PALM2AKAP2: variants seen among roughly 807,000 people sequenced by gnomAD.
The protein encoded by PALM2AKAP2 is PALM2 and AKAP2 fusion.
In PALM2AKAP2, 37 loss-of-function variants were observed where a neutral mutation model predicts 71.5. The ratio of observed to expected loss-of-function variants is 0.52; its 90% CI spans 0.40 to 0.68. PALM2AKAP2 has a LOEUF of 0.68. Among genes scored for constraint, PALM2AKAP2 ranks in the 30% least tolerant of loss-of-function variants. PALM2AKAP2 has a pLI of 0.00. For synonymous variants in PALM2AKAP2, 468 were observed against 478.8 expected (o/e 0.98, Z 0.29); for missense variants, 1,224 against 1,191.8 (o/e 1.03, Z -0.40).
intron 6 of PALM2AKAP2, among the ~76,000 whole-genome samples, chr9:109,977,055 T>C (rs1832184988): frequency 6.6e-6 from 1 of 152,054 alleles, no homozygotes; most frequent in African/African-American, 2.4e-5. Flanking sequence ...CAAGCAGATT[T>C]CTAGGCCACC....
At chr9:109,885,675 T>C (rs1829948624) in intron 3 of PALM2AKAP2, among the ~76,000 whole-genome samples, 1 of 152,218 alleles carries the variant, frequency 6.6e-6, no homozygotes, top group Non-Finnish European at 1.5e-5. Flanking sequence ...CTTCCTACTT[T>C]GACCCAAGGA....
intron 6 of PALM2AKAP2, among the ~76,000 whole-genome samples, chr9:109,947,404 A>G (rs1377718662): frequency 6.6e-6 from 1 of 152,228 alleles, no homozygotes; most frequent in African/African-American, 2.4e-5. Flanking sequence ...AAGTGTAAAA[A>G]CAGACTATTT....
At chr9:109,991,753 A>T (rs1283584865) in intron 6 of PALM2AKAP2, among the ~76,000 whole-genome samples, 1 of 152,218 alleles carries the variant, frequency 6.6e-6, no homozygotes, top group Non-Finnish European at 1.5e-5. Flanking sequence ...GGCTGCAGAC[A>T]TCAGGCTTTA....
chr9:110,165,581 G>A (rs1423677622), intron 3 of PALM2AKAP2, among the ~76,000 whole-genome samples: 1 of 152,092 alleles, frequency 6.6e-6, no homozygotes, highest in Non-Finnish European at 1.5e-5. Context: ...GTATGACCAT[G>A]GTAAATGGGC....
intron 1 of PALM2AKAP2, among the ~76,000 whole-genome samples, chr9:110,117,441 A>G (rs560853033): frequency 2.6e-5 from 4 of 152,286 alleles, no homozygotes; most frequent in African/African-American, 7.2e-5. Context: ...CCACATCTCT[A>G]TGAAATAAAA....
At chr9:109,992,418 T>G (rs1039220608) in intron 6 of PALM2AKAP2, among the ~76,000 whole-genome samples, 1 of 152,228 alleles carries the variant, frequency 6.6e-6, no homozygotes, top group Non-Finnish European at 1.5e-5. Flanking sequence ...CTTTTTAATT[T>G]TATTTACTTT....
At chr9:109,660,048 G>C (rs961466384) in intron 1 of PALM2AKAP2, among the ~76,000 whole-genome samples, 1 of 152,014 alleles carries the variant, frequency 6.6e-6, no homozygotes, top group Non-Finnish European at 1.5e-5. Flanking sequence ...TGCCCAGGCT[G>C]GTCTCAAACT....
chr9:109,760,559 A>G (rs1438500326), intron 1 of PALM2AKAP2: 1 of 152,208 alleles, frequency 6.6e-6, no homozygotes, highest in Non-Finnish European at 1.5e-5. Context: ...TCAGCATTGA[A>G]TAAACTCTGA....
intron 1 of PALM2AKAP2, among the ~76,000 whole-genome samples, chr9:109,827,503 G>A (rs1388844219): frequency 6.6e-6 from 1 of 152,116 alleles, no homozygotes; most frequent in Non-Finnish European, 1.5e-5. Context: ...CAGCTACTCA[G>A]GAGGCTGAGG....
At chr9:109,739,422 A>T (rs1046998256) in intron 1 of PALM2AKAP2, among the ~76,000 whole-genome samples, 1 of 152,236 alleles carries the variant, frequency 6.6e-6, no homozygotes, top group Non-Finnish European at 1.5e-5. Context: ...GTCATGACTG[A>T]AGGCTTTACT....
intron 3 of PALM2AKAP2, among the ~76,000 whole-genome samples, chr9:109,891,284 C>T (rs1830082180): frequency 6.6e-6 from 1 of 152,212 alleles, no homozygotes; most frequent in South Asian, 2.1e-4. Context: ...GTTCCCTTGG[C>T]TAGCATCTTG....
chr9:109,838,110 T>C (rs1011190378), intron 1 of PALM2AKAP2, among the ~76,000 whole-genome samples: 1 of 152,178 alleles, frequency 6.6e-6, no homozygotes, highest in African/African-American at 2.4e-5. Flanking sequence ...ATTTCAAACT[T>C]GACCACTTGG....
At chr9:110,144,514 C>T (rs1046526212) in intron 2 of PALM2AKAP2, among the ~76,000 whole-genome samples, 1 of 152,206 alleles carries the variant, frequency 6.6e-6, no homozygotes, top group Non-Finnish European at 1.5e-5. Context: ...ATACAAATTA[C>T]CTCAACTCTT....
At chr9:109,843,622 G>T (rs1359882) in intron 1 of PALM2AKAP2, among the ~76,000 whole-genome samples, 3 of 151,980 alleles carry the variant, frequency 2.0e-5, no homozygotes, top group African/African-American at 7.3e-5. Flanking sequence ...GCAGGGGCTG[G>T]CCCATGAGAC....
intron 1 of PALM2AKAP2, among the ~76,000 whole-genome samples, chr9:109,691,907 CACACAT>C (rs1392336080): frequency 0.033 from 2,333 of 69,738 alleles, 69 homozygotes; most frequent in East Asian, 0.052. Flanking sequence ...TATATACACA[CACACAT>C]ATATATATAT....
chr9:109,878,828 C>T (rs1018272602), intron 2 of PALM2AKAP2, among the ~76,000 whole-genome samples: 1 of 152,168 alleles, frequency 6.6e-6, no homozygotes, highest in African/African-American at 2.4e-5. Context: ...ACCTCTGCCC[C>T]CCAGGTTCTA....
chr9:109,736,941 A>C lies in PALM2AKAP2; in HGVS notation c.6-43547A>C, dbSNP rs566098715. On this transcript the variant is annotated intron_variant, in intron 1 of 6. Coordinates refer to the PALM2AKAP2 transcript ENST00000374531. ...GATAGCCTTAAGGAACTGAATCACT[A>C]CCACTGTCGCCGTCTCTTTTGTATA... Among the ~76,000 whole-genome samples the C allele has an allele frequency of 2.0e-5, 3 of 152,358 alleles. No homozygotes were observed. In the East Asian group the frequency reaches 5.8e-4, roughly 29 times the overall value.
At position 109,767,772 on chromosome 9, in the gene PALM2AKAP2, C is replaced by G. The variant is rs76380823; in HGVS notation, c.6-12716C>G. Among the ~76,000 whole-genome samples the G allele has an allele frequency of 3.1e-4, 47 of 152,292 alleles. 1 individual carries two copies. In the East Asian group the frequency reaches 8.3e-3, roughly 27 times the overall value. ...CCCTTAGTGTTGGCTTGCTTCAGAG[C>G]ATTCCTAAGTTACAGTGTGCACTTC... is the stretch of plus-strand genomic sequence containing the variant. On this transcript the variant is annotated intron_variant, in intron 1 of 6. Coordinates refer to the PALM2AKAP2 transcript ENST00000374531.
intron 1 of PALM2AKAP2, among the ~76,000 whole-genome samples, chr9:109,656,334 G>A (rs1454218117): frequency 6.6e-6 from 1 of 152,158 alleles, no homozygotes; most frequent in African/African-American, 2.4e-5. Context: ...TTAGGTCCAG[G>A]TGTCACAAGG....
Sources: gnomAD v4.1 joint callset for allele counts (sites outside exome capture counted in the v4.1 genomes callset) on GRCh38, gnomAD v4.1.1 for gene constraint, MANE v1.5 for transcripts, NCBI Gene and HGNC (gene_info 2026-07-23, HGNC 2026-07-21) for gene names.